The following LYST variants were observed in gnomAD, a reference collection of about 807,000 sequenced individuals.
LYST encodes the protein lysosomal-trafficking regulator.
A neutral mutation model predicts 413.6 loss-of-function variants in LYST; 192 were observed. The observed-to-expected ratio is 0.46, with a 90% CI of 0.41 to 0.52. The LOEUF (loss-of-function observed/expected upper bound fraction) is 0.52. Among genes scored for constraint, LYST ranks in the 20% least tolerant of loss-of-function variants. The pLI, the probability that LYST is intolerant of heterozygous loss-of-function variation, is 0.00. For missense variants in LYST, 3,815 were observed against 4,499.9 expected, an observed-to-expected ratio of 0.85 and a Z score of 4.35; for synonymous variants, 1,525 against 1,567.3, an observed-to-expected ratio of 0.97 and a Z score of 0.64.
chr1:235,857,356 T>A (rs1159778497), intron 1 of LYST, among the ~76,000 whole-genome samples: 1 of 152,180 alleles, frequency 6.6e-6, no homozygotes, highest in Non-Finnish European at 1.5e-5. Flanking sequence ...TCACATGATA[T>A]TGCCCTGAAA....
At position 235,877,496 on chromosome 1, in the gene LYST, T is replaced by C. The variant is rs1250040804; in HGVS notation, n.454+5691A>G. 2.6e-5 allele frequency among the ~76,000 whole-genome samples: 4 copies of C among 152,076 alleles called. 1 individual carries two copies. Among genetic ancestry groups the C allele is most frequent in the South Asian group, 4.1e-4 (2 of 4,824 alleles). ...GATCTCCCTCACTGCAACCTCTGCC[T>C]CCCGGGTTCAAGCAATTCTCCTGCC... On this transcript the variant is annotated intron_variant and non_coding_transcript_variant, in intron 1 of 11. Transcript: ENST00000465349.
chr1:235,806,106 T>A lies in LYST; in HGVS notation c.3030A>T (p.Gly1010=), dbSNP rs751511204. The A allele has an allele frequency of 2.5e-6, 4 of 1,613,834 alleles. No individual in the cohort carries two copies. The highest frequency in any genetic ancestry group is 3.4e-6 in the Non-Finnish European group (4 of 1,179,946). ...KLFRSHKEEQ[G]KKEGDTSVNE... is the part of the protein sequence containing the mutation. ...TTACACTTGTATCTCCCTCCTTTTT[T>A]CCTTGCTCCTCTTTGTGACTTCTGA... Residue 1010 remains glycine (G), a synonymous_variant, in exon 6 of 53, where the codon GGA becomes GGT. Coordinates refer to ENST00000389793, the MANE Select transcript of LYST (RefSeq NM_000081.4).
chr1:235,833,618 T>C lies in LYST; in HGVS notation c.-48A>G. On this transcript the variant is annotated 5_prime_UTR_variant, in exon 2 of 53. An upstream start codon of the reference 5' UTR is lost. Transcript: ENST00000389793. ...GCTGTGACATTTACAGTCTATATCA[T>C]TTGGACTCATAAACTAGATGAAACA... 1 of 947,552 alleles carries C rather than the reference T, an allele frequency of 1.1e-6. No individual in the cohort carries two copies. Among genetic ancestry groups the C allele is most frequent in the Non-Finnish European group, 1.3e-6 (1 of 795,292 alleles). The allele number at this position is 947,552 out of a possible 1,614,324, so 58.7% of individuals were successfully genotyped here.
At chr1:235,813,758 G>C (rs544335604) in intron 3 of LYST, among the ~76,000 whole-genome samples, 2 of 152,202 alleles carry the variant, frequency 1.3e-5, no homozygotes, top group African/African-American at 2.4e-5. Flanking sequence ...AGAAAAAGGA[G>C]CAGTCATTAT....
intron 1 of LYST, among the ~76,000 whole-genome samples, chr1:235,864,974 C>T (rs1419876605): frequency 6.6e-6 from 1 of 152,178 alleles, no homozygotes; most frequent in South Asian, 2.1e-4. Context: ...AGAGTGGACT[C>T]CCCTTTCCAC....
At position 235,712,178 on chromosome 1, in the gene LYST, TG is replaced by T; in HGVS notation, c.9803del (p.Pro3268GlnfsTer20). Reference sequence around the variant, plus strand: ...TATTTGTAGAATGAAAAGTTCTGTCTGGAATGTCAAAACTTTGATCTATAAA... The same window carrying T: ...TATTTGTAGAATGAAAAGTTCTGTCTGAATGTCAAAACTTTGATCTATAAA... ...LAYQDQSFDI[P>X]DRTFHSTNTT... On this transcript the variant is annotated frameshift_variant, in exon 43 of 53. Transcript: ENST00000389793. LOFTEE classifies it high-confidence loss of function. The T allele has an allele frequency of 6.3e-7, 1 of 1,584,892 alleles. No individual in the cohort carries two copies. The highest frequency in any genetic ancestry group is 8.6e-7 in the Non-Finnish European group (1 of 1,161,476).
At position 235,697,105 on chromosome 1, in the gene LYST, C is replaced by G. The variant is rs1302915449; in HGVS notation, c.10542G>C (p.Leu3514=). 2.5e-6 allele frequency: 4 copies of G among 1,614,090 alleles called. No individual in the cohort carries two copies. The highest frequency in any genetic ancestry group is 1.3e-5 in the African/African-American group (1 of 75,012). Residue 3514 remains leucine, a synonymous_variant, in exon 46 of 53, where the codon CTG becomes CTC. Transcript: ENST00000389793. The part of the protein sequence containing the change: ...ICGLSRNFCL[L]MTYSKEQGVR... Reference sequence around the variant, plus strand: ...TACCTTGTTCCTTGCTATATGTCATCAGAAGACAGAAATTCCGTGACAAAC... The same window carrying G: ...TACCTTGTTCCTTGCTATATGTCATGAGAAGACAGAAATTCCGTGACAAAC...
intron 10 of LYST, among the ~76,000 whole-genome samples, chr1:235,799,561 C>T (rs1671960219): frequency 6.6e-6 from 1 of 152,126 alleles, no homozygotes; most frequent in African/African-American, 2.4e-5. Context: ...CATGAGAAAA[C>T]ATCATACAAA....
Position 235,782,083 on chromosome 1 carries a change from G to A in LYST, c.4867C>T (p.Pro1623Ser). Residue 1623 changes from proline (P) to serine (S), a missense_variant, in exon 15 of 53, where the codon CCT (proline) becomes TCT (serine). By Grantham distance (74) the Pro-to-Ser change is moderately conservative. Coordinates refer to ENST00000389793, the MANE Select transcript of LYST (RefSeq NM_000081.4). The part of the protein sequence containing the change: ...ISIWVSGQRK[P>S]DVTLDFMLPR... Reference sequence around the variant, plus strand: ...AGCATAAAATCCAAAGTAACATCAGGCTTCCTACATTAAAAACAAAACAAA... The same window carrying A: ...AGCATAAAATCCAAAGTAACATCAGACTTCCTACATTAAAAACAAAACAAA... 6.2e-7 allele frequency: 1 copy of A among 1,611,528 alleles called. No homozygotes were observed. Among genetic ancestry groups the A allele is most frequent in the Non-Finnish European group, 8.5e-7 (1 of 1,178,356 alleles).
chr1:235,817,184 C>G (rs1478711457), intron 3 of LYST, among the ~76,000 whole-genome samples: 1 of 151,758 alleles, frequency 6.6e-6, no homozygotes, highest in Non-Finnish European at 1.5e-5. Flanking sequence ...CATCTCACAC[C>G]AGTCAGGATG....
At position 235,830,301 on chromosome 1, in the gene LYST, C is replaced by A; in HGVS notation, c.117G>T (p.Met39Ile). 3 of 1,614,032 alleles carry A rather than the reference C, an allele frequency of 1.9e-6. No homozygotes were observed. Among genetic ancestry groups the A allele is most frequent in the Non-Finnish European group, 2.5e-6 (3 of 1,179,946 alleles). ...AREEEEEETHMATLGQYLVHG... is the reference protein window; with the variant it reads ...AREEEEEETHIATLGQYLVHG... ...GGACAAGGTACTGTCCAAGGGTTGC[C>A]ATGTGCGTCTCCTCCTCTTCTTCCT... The change falls in exon 3 of 53, where the codon ATG (methionine) becomes ATT (isoleucine). Residue 39 changes from methionine (M) to isoleucine (I), a missense_variant. Physicochemically the swap from Met to Ile is conservative, Grantham distance 10. This residue lies in a region of LYST where 1,648 missense variants were observed against 1,810.3 expected (regional missense o/e 0.91). Transcript: ENST00000389793.
intron 1 of LYST, chr1:235,853,198 T>C (rs1483424770): frequency 6.0e-6 from 1 of 165,958 alleles, no homozygotes; most frequent in Admixed American, 6.5e-5. Context: ...AGTAAATGAC[T>C]TGGAAGAAAA....
chr1:235,696,578 T>G (rs1470032573), intron 46 of LYST, among the ~76,000 whole-genome samples: 2 of 152,236 alleles, frequency 1.3e-5, no homozygotes, highest in Non-Finnish European at 2.9e-5. Context: ...TTTAGAAACA[T>G]GAAGAGGCCT....
intron 1 of LYST, among the ~76,000 whole-genome samples, chr1:235,858,827 C>T (rs1317515870): frequency 2.6e-5 from 4 of 152,054 alleles, no homozygotes; most frequent in African/African-American, 9.7e-5. Flanking sequence ...GGTCCAAGTT[C>T]AGTCTATTTG....
chr1:235,813,196 C>T, intron 3 of LYST, 135 bp from the exon 4 acceptor site: 1 of 687,420 alleles, frequency 1.5e-6, no homozygotes, highest in Non-Finnish European at 2.7e-6. Flanking sequence ...ATCAAATTAA[C>T]CTATCTTCAA....
intron 3 of LYST, chr1:235,827,966 T>A: frequency 2.5e-6 from 1 of 406,130 alleles, no homozygotes; most frequent in Non-Finnish European, 3.3e-6. Flanking sequence ...ACAAAACTTT[T>A]AAAGAGATGT....
intron 20 of LYST, 91 bp from the exon 21 acceptor site, chr1:235,766,368 G>C: frequency 1.1e-6 from 1 of 920,356 alleles, no homozygotes; most frequent in East Asian, 2.5e-5. Flanking sequence ...TTTTAAGATA[G>C]AATTCTGTTG....
chr1:235,821,506 G>A (rs1485232371), intron 3 of LYST, among the ~76,000 whole-genome samples: 1 of 152,078 alleles, frequency 6.6e-6, no homozygotes, highest in Non-Finnish European at 1.5e-5. Flanking sequence ...TCCTCTATTC[G>A]AAGCTTAATT....
chr1:235,722,776 G>A (rs957454499), intron 39 of LYST, among the ~76,000 whole-genome samples: 1 of 152,178 alleles, frequency 6.6e-6, no homozygotes, highest in African/African-American at 2.4e-5. Context: ...GAGCCACTGT[G>A]CCCGGCCCTG....
Sources: allele counts gnomAD v4.1 joint callset (sites outside exome capture counted in the v4.1 genomes callset), GRCh38; gene constraint gnomAD v4.1.1; regional missense constraint gnomAD v4.1.1; transcripts MANE v1.5; gene names NCBI Gene and HGNC (gene_info 2026-07-23, HGNC 2026-07-21).